Variants in KLRG2 observed in about 807,000 individuals in gnomAD.
KLRG2 encodes killer cell lectin-like receptor subfamily G member 2.
A neutral mutation model predicts 35.4 loss-of-function variants in KLRG2; 39 were observed. That is an observed-to-expected ratio of 1.10 (90% CI 0.85 to 1.44). The LOEUF (loss-of-function observed/expected upper bound fraction) is 1.44. Ranked by LOEUF, KLRG2 falls within the 40% of genes most tolerant of loss-of-function variation. The pLI is 0.00. For missense variants in KLRG2, 632 were observed against 570.9 expected (o/e 1.11, Z -1.09); for synonymous variants, 283 against 265.8 (o/e 1.06, Z -0.63).
the KLRG2 span, among the ~76,000 whole-genome samples, chr7:139,432,779 T>C: frequency 6.6e-6 from 1 of 152,208 alleles, no homozygotes; most frequent in African/African-American, 2.4e-5. Flanking sequence ...CCTGATACAA[T>C]GTAAATGCTA....
At chr7:139,455,704 C>T (rs958195494) in intron 3 of KLRG2, among the ~76,000 whole-genome samples, 10 of 152,300 alleles carry the variant, frequency 6.6e-5, no homozygotes, top group Middle Eastern at 3.4e-3. Flanking sequence ...GATGCCGGCA[C>T]GGCCCGCATC....
intron 4 of KLRG2, 66 bp from the exon 5 acceptor site, chr7:139,453,773 G>A: frequency 6.3e-7 from 1 of 1,594,328 alleles, no homozygotes; most frequent in Non-Finnish European, 8.6e-7. Flanking sequence ...TTCCCAGCCA[G>A]ACCCTCCAGC....
chr7:139,447,491 C>T, the KLRG2 span, among the ~76,000 whole-genome samples: 206 of 151,842 alleles, frequency 1.4e-3, no homozygotes, highest in Non-Finnish European at 4.3e-4. Flanking sequence ...GCTTTCACCA[C>T]CTGGGTTTCA....
At chr7:139,431,660 C>T in the KLRG2 span, among the ~76,000 whole-genome samples, 1 of 152,200 alleles carries the variant, frequency 6.6e-6, no homozygotes, top group Non-Finnish European at 1.5e-5. Context: ...ACTACATAAG[C>T]TGGGGCTGGT....
Position 139,483,145 on chromosome 7 carries a change from G to A in KLRG2, c.498C>T (p.Asp166=). The change falls in exon 1 of 5, where the codon GAC becomes GAT. Residue 166 remains aspartate, a synonymous_variant. Transcript: ENST00000340940. The stretch of plus-strand genomic sequence containing the variant: ...CGCGCAGCAGGAGCTGGTGCGCCGG[G>A]TCCGCGTGGCGGGAGAAGGCAGGGG... ...PESPAFSRHA[D]PAHQLLLRAP... 6.7e-7 allele frequency: 1 copy of A among 1,489,106 alleles called. No individual in the cohort carries two copies. The highest frequency in any genetic ancestry group is 1.3e-5 in the South Asian group (1 of 78,652). 92.2% of individuals were successfully genotyped at this position (1,489,106 alleles called of 1,614,324 possible).
the KLRG2 span, among the ~76,000 whole-genome samples, chr7:139,429,380 C>CTTTTTTTT: frequency 7.0e-6 from 1 of 143,212 alleles, no homozygotes; most frequent in Non-Finnish European, 1.5e-5. Context: ...TTTTCTTTTT[C>CTTTTTTTT]TTTTTCTTTT....
chr7:139,438,736 C>T, the KLRG2 span, among the ~76,000 whole-genome samples: 1 of 149,904 alleles, frequency 6.7e-6, no homozygotes, highest in Non-Finnish European at 1.5e-5. Flanking sequence ...AGTGCAATGG[C>T]GTGATCTCAG....
chr7:139,438,604 G>A, the KLRG2 span, among the ~76,000 whole-genome samples: 1 of 152,002 alleles, frequency 6.6e-6, no homozygotes, highest in African/African-American at 2.4e-5. Context: ...GTGAGGACTT[G>A]TAGCACCTGG....
At chr7:139,454,837 TAATAATAATAA>T (rs1359146784) in intron 3 of KLRG2, among the ~76,000 whole-genome samples, 1 of 76,868 alleles carries the variant, frequency 1.3e-5, no homozygotes, top group African/African-American at 9.4e-5. Context: ...ATAATAATAA[TAATAATAATAA>T]TAATAATAAT....
chr7:139,479,031 C>G (rs779499781), intron 3 of KLRG2, among the ~76,000 whole-genome samples: 1 of 152,098 alleles, frequency 6.6e-6, no homozygotes, highest in Non-Finnish European at 1.5e-5. Flanking sequence ...TTTGAACCAG[C>G]CTGGCCAACA....
rs752381479 is a variant in KLRG2, at chr7:139,479,595, G to A, written c.1005+32C>T. Reference sequence around the variant, plus strand: ...AGGATTCTGTGGTCTAGAAAGATCTGTACCCCCTTAGATTGGACACCCCCT... The same window carrying A: ...AGGATTCTGTGGTCTAGAAAGATCTATACCCCCTTAGATTGGACACCCCCT... On this transcript the variant is annotated intron_variant, in intron 3 of 4. Coordinates refer to ENST00000340940, the MANE Select transcript of KLRG2 (RefSeq NM_198508.4). The A allele has an allele frequency of 1.6e-5, 26 of 1,600,058 alleles. No individual in the cohort carries two copies. In the South Asian group the frequency reaches 1.9e-4, roughly 12 times the overall value.
chr7:139,443,795 C>A, the KLRG2 span, among the ~76,000 whole-genome samples: 1 of 152,076 alleles, frequency 6.6e-6, no homozygotes, highest in Non-Finnish European at 1.5e-5. Flanking sequence ...CTCCTGACCT[C>A]GTCCGCCCAC....
chr7:139,456,872 C>T (rs766467322), intron 3 of KLRG2, among the ~76,000 whole-genome samples: 3 of 152,140 alleles, frequency 2.0e-5, no homozygotes, highest in African/African-American at 7.2e-5. Flanking sequence ...TACTCAGCAT[C>T]GCACTATGAT....
intron 3 of KLRG2, among the ~76,000 whole-genome samples, chr7:139,465,770 C>G (rs1233093270): frequency 3.9e-5 from 6 of 152,002 alleles, no homozygotes; most frequent in Non-Finnish European, 7.4e-5. Flanking sequence ...GGCATCAGAC[C>G]TCTCATTGCT....
At position 139,453,223 on chromosome 7, in the gene KLRG2, C is replaced by A. The variant is rs1159400692; in HGVS notation, c.*364G>T. Reference sequence around the variant, plus strand: ...TCATTTCCATGAGCCGGAATGAGAACCCAGATTGGAATCCGCTGTGGTTGT... The same window carrying A: ...TCATTTCCATGAGCCGGAATGAGAAACCAGATTGGAATCCGCTGTGGTTGT... On this transcript the variant is annotated 3_prime_UTR_variant, in exon 5 of 5. Coordinates refer to ENST00000340940, the MANE Select transcript of KLRG2 (RefSeq NM_198508.4). The A allele has an allele frequency of 4.8e-6, 2 of 414,402 alleles. No homozygotes were observed. The highest frequency in any genetic ancestry group is 8.4e-6 in the Non-Finnish European group (2 of 237,080). The allele number at this position is 414,402 out of a possible 1,614,324, so 25.7% of individuals were successfully genotyped here. A position where few individuals can be genotyped will look rare whatever the true frequency, so the allele number is the denominator to read the frequency against.
downstream of KLRG2, among the ~76,000 whole-genome samples, chr7:139,451,507 A>AT (rs1159845732): frequency 5.3e-4 from 79 of 148,570 alleles, no homozygotes; most frequent in South Asian, 0.01. Context: ...TCAAAAAAAA[A>AT]TTTTTTTTTT....
chr7:139,462,878 TCTTC>T (rs1796590488), intron 3 of KLRG2, among the ~76,000 whole-genome samples: 1 of 152,084 alleles, frequency 6.6e-6, no homozygotes, highest in African/African-American at 2.4e-5. Context: ...GTCTTTCCAA[TCTTC>T]CTTTTCTACA....
chr7:139,479,641 G>A lies in KLRG2; in HGVS notation c.991C>T (p.Leu331=), dbSNP rs147019213. 7 of 1,613,072 alleles carry A rather than the reference G, an allele frequency of 4.3e-6. No homozygotes were observed. The highest frequency in any genetic ancestry group is 1.1e-5 in the South Asian group (1 of 91,076). ...CCCCTTCTCACCTGGGTGTGGCTTAGCAGGGGGAGGGTAGCGTGGTAGGCT... is the reference window on the plus strand; with the variant it reads ...CCCCTTCTCACCTGGGTGTGGCTTAACAGGGGGAGGGTAGCGTGGTAGGCT... ...CSAYHATLPL[L]SHTQDFLGRY... is the part of the protein sequence containing the mutation. The change falls in exon 3 of 5, where the codon CTA becomes TTA. Residue 331 remains leucine, a synonymous_variant. Coordinates refer to ENST00000340940, the MANE Select transcript of KLRG2 (RefSeq NM_198508.4).
chr7:139,480,379 C>T, intron 1 of KLRG2, 132 bp from the exon 2 acceptor site: 3 of 556,322 alleles, frequency 5.4e-6, no homozygotes, highest in South Asian at 4.3e-5. Context: ...CCTGGGATGC[C>T]AACATAAACC....
Sources: gnomAD v4.1 joint callset for allele counts (sites outside exome capture counted in the v4.1 genomes callset) on GRCh38, gnomAD v4.1.1 for gene constraint, MANE v1.5 for transcripts, NCBI Gene and HGNC (gene_info 2026-07-23, HGNC 2026-07-21) for gene names.